CREBBP: variants seen among roughly 807,000 people sequenced by gnomAD.
The protein encoded by CREBBP is CREB-binding protein.
A neutral mutation model predicts 265.0 loss-of-function variants in CREBBP; 19 were observed. That is an observed-to-expected ratio of 0.07 (90% confidence interval 0.05 to 0.11). CREBBP has a LOEUF of 0.11. Ranked by LOEUF, CREBBP falls within the 10% of genes least tolerant of loss-of-function variation. The pLI is 1.00. For synonymous variants in CREBBP, 1,457 were observed against 1,223.7 expected, an observed-to-expected ratio of 1.19 and a Z score of -3.98; for missense variants, 2,525 against 3,219.0, an observed-to-expected ratio of 0.78 and a Z score of 5.22.
chr16:3,874,321 T>C (rs1280792784), intron 1 of CREBBP, among the ~76,000 whole-genome samples: 1 of 152,210 alleles, frequency 6.6e-6, no homozygotes, highest in Admixed American at 6.5e-5. Flanking sequence ...ATCATGCAGC[T>C]CAGAAAACTT....
At chr16:3,730,344 G>A (rs1156309893) in intron 30 of CREBBP, among the ~76,000 whole-genome samples, 1 of 152,180 alleles carries the variant, frequency 6.6e-6, no homozygotes, top group East Asian at 1.9e-4. Flanking sequence ...GTGAAAGGCT[G>A]AGGGAGGCCG....
intron 28 of CREBBP, 116 bp downstream of exon 28, chr16:3,735,920 T>A (rs1291731359): frequency 6.5e-7 from 1 of 1,543,510 alleles, no homozygotes; most frequent in Non-Finnish European, 8.9e-7. Context: ...GACGTGCATG[T>A]GTGAACGGAG....
chr16:3,815,550 A>AATT (rs1491515471), intron 2 of CREBBP, among the ~76,000 whole-genome samples: 4 of 134,836 alleles, frequency 3.0e-5, no homozygotes, highest in African/African-American at 5.7e-5. Flanking sequence ...AAAAAAAAAA[A>AATT]TTTTTTTTTT....
At chr16:3,854,881 T>C (rs920428371) in intron 1 of CREBBP, among the ~76,000 whole-genome samples, 1 of 152,248 alleles carries the variant, frequency 6.6e-6, no homozygotes, top group Non-Finnish European at 1.5e-5. Flanking sequence ...TTTAGGAGTG[T>C]GTACATGCAT....
At chr16:3,738,808 C>T (rs527389079) in intron 25 of CREBBP, 136 bp from the exon 26 acceptor site, 17 of 688,446 alleles carry the variant, frequency 2.5e-5, no homozygotes, top group Non-Finnish European at 4.2e-5. Context: ...TGCGGTGACG[C>T]GGTCACAGCT....
Position 3,728,021 on chromosome 16 carries a change from C to T in CREBBP, c.7026G>A (p.Gln2342=), listed in dbSNP as rs1486060565. Residue 2342 remains glutamine, a synonymous_variant, in exon 31 of 31, where the codon CAG becomes CAA. Coordinates refer to ENST00000262367, the MANE Select transcript of CREBBP (RefSeq NM_004380.3). The surrounding 1 kb of genome is among the most constrained non-coding windows in gnomAD (Gnocchi z 8.7). ...ACTGGACAGGGGCTGGAGACCGCACCTGGTTACTAAGGGACGTGGCGATCT... is the reference window on the plus strand; with the variant it reads ...ACTGGACAGGGGCTGGAGACCGCACTTGGTTACTAAGGGACGTGGCGATCT... ...GQQIATSLSN[Q]VRSPAPVQSP... The T allele has an allele frequency of 5.0e-6, 8 of 1,611,180 alleles. No homozygotes were observed. Among genetic ancestry groups the T allele is most frequent in the Non-Finnish European group, 5.9e-6 (7 of 1,177,828 alleles).
intron 2 of CREBBP, among the ~76,000 whole-genome samples, chr16:3,846,624 A>G (rs1041140860): frequency 3.3e-5 from 5 of 152,228 alleles, no homozygotes; most frequent in African/African-American, 1.2e-4. Context: ...TATTGTACCT[A>G]TGAAGAATGA....
intron 4 of CREBBP, 62 bp downstream of exon 4, chr16:3,793,324 A>G: frequency 1.9e-6 from 3 of 1,610,260 alleles, no homozygotes; most frequent in Non-Finnish European, 2.5e-6. Context: ...AGCTGCTGTA[A>G]GAACAATAAA....
chr16:3,855,732 G>A (rs2054947661), intron 1 of CREBBP, among the ~76,000 whole-genome samples: 1 of 152,180 alleles, frequency 6.6e-6, no homozygotes, highest in African/African-American at 2.4e-5. Context: ...TGGTGAAATA[G>A]GTCTCAACAT....
At chr16:3,851,306 T>TAAAAAAAAAAAAAAAAAAAAAAAAAAATA (rs1160251196) in intron 1 of CREBBP, among the ~76,000 whole-genome samples, 2 of 76,472 alleles carry the variant, frequency 2.6e-5, no homozygotes, top group African/African-American at 4.3e-5. Context: ...AAAAAAAAAT[T>TAAAAAAAAAAAAAAAAAAAAAAAAAAATA]AAAAAAAAAA....
At chr16:3,739,457 T>G (rs1207368783) in intron 25 of CREBBP, 121 bp downstream of exon 25, 6 of 1,157,984 alleles carry the variant, frequency 5.2e-6, no homozygotes, top group Non-Finnish European at 7.5e-6. Flanking sequence ...TAGTTAATTG[T>G]GGTTTCATTT....
chr16:3,810,929 G>A, intron 2 of CREBBP, 150 bp from the exon 3 acceptor site: 1 of 783,108 alleles, frequency 1.3e-6, no homozygotes, highest in Non-Finnish European at 2.1e-6. Context: ...CAAGCAGAAG[G>A]CTCATGAAGC....
chr16:3,770,938 G>A lies in CREBBP; in HGVS notation c.2512C>T (p.Pro838Ser). Reference protein sequence around the residue: ...ALPNPLNMLGPQASQLPCPPV... With the variant: ...ALPNPLNMLGSQASQLPCPPV... ...GGGCAAGGTAGCTGGCTGGCCTGAG[G>A]CCCCAGCATGTTGAGAGGGTTAGGA... Residue 838 changes from proline (P) to serine (S), a missense_variant, in exon 14 of 31, where the codon CCT becomes TCT. Pro to Ser is a moderately conservative substitution (Grantham distance 74). Transcript: ENST00000262367. 1 of 1,613,732 alleles carries A rather than the reference G, an allele frequency of 6.2e-7. No individual in the cohort carries two copies. The highest frequency in any genetic ancestry group is 8.5e-7 in the Non-Finnish European group (1 of 1,180,026).
intron 3 of CREBBP, among the ~76,000 whole-genome samples, chr16:3,795,367 T>C (rs1350966988): frequency 1.3e-5 from 2 of 152,178 alleles, no homozygotes; most frequent in Non-Finnish European, 2.9e-5. Flanking sequence ...TACTAAAGCG[T>C]TGATAGGTTT....
In CREBBP at chr16:3,725,356, AAC is replaced by A. The variant is rs1485277093; in HGVS notation, c.*2360_*2361del. 3 of 233,206 alleles carry A rather than the reference AAC, an allele frequency of 1.3e-5. No individual in the cohort carries two copies. Among genetic ancestry groups the A allele is most frequent in the Non-Finnish European group, 2.5e-5 (3 of 118,064 alleles). The allele number at this position is 233,206 out of a possible 1,614,324, so 14.4% of individuals were successfully genotyped here. On this transcript the variant is annotated 3_prime_UTR_variant, in exon 31 of 31. Coordinates refer to ENST00000262367, the MANE Select transcript of CREBBP (RefSeq NM_004380.3). Reference sequence around the variant, plus strand: ...CGTTTTGAATTCCAGGATAACCTGAAACAGAGGCCCCTCCACTGCCCACATTA... The same window carrying A: ...CGTTTTGAATTCCAGGATAACCTGAAAGAGGCCCCTCCACTGCCCACATTA...
At chr16:3,788,568 C>G (rs180728352) in intron 5 of CREBBP, among the ~76,000 whole-genome samples, 1 of 152,278 alleles carries the variant, frequency 6.6e-6, no homozygotes, top group East Asian at 1.9e-4. Context: ...TTGGCAAGTC[C>G]TAATTATTCA....
At chr16:3,836,551 C>A (rs2054456924) in intron 2 of CREBBP, among the ~76,000 whole-genome samples, 2 of 151,792 alleles carry the variant, frequency 1.3e-5, no homozygotes, top group African/African-American at 4.8e-5. Context: ...AGAGAAATGT[C>A]CTGAATCTTG....
intron 5 of CREBBP, 66 bp downstream of exon 5, chr16:3,791,915 C>T: frequency 7.2e-7 from 1 of 1,387,126 alleles, no homozygotes; most frequent in South Asian, 1.2e-5. Context: ...TACCTACTCT[C>T]TGAATTTTCT....
At chr16:3,764,502 C>T (rs975216456) in intron 16 of CREBBP, among the ~76,000 whole-genome samples, 1 of 151,928 alleles carries the variant, frequency 6.6e-6, no homozygotes, top group East Asian at 1.9e-4. Flanking sequence ...TCTTGAACGC[C>T]TGGCCATAAG....
Sources: allele counts gnomAD v4.1 joint callset (sites outside exome capture counted in the v4.1 genomes callset), GRCh38; gene constraint gnomAD v4.1.1; non-coding constraint Gnocchi (gnomAD v3.1); transcripts MANE v1.5; gene names NCBI Gene and HGNC (gene_info 2026-07-23, HGNC 2026-07-21).